The following XYLB variants were observed in gnomAD, a reference collection of about 807,000 sequenced individuals.
The protein encoded by XYLB is xylulokinase.
Under a neutral mutation model 78.7 loss-of-function variants are expected in XYLB, and 62 were observed. The ratio of observed to expected loss-of-function variants is 0.79; its 90% CI spans 0.64 to 0.97. The LOEUF (loss-of-function observed/expected upper bound fraction) is 0.97, where lower values mean the gene tolerates loss of function less well. Among genes scored for constraint, XYLB ranks in the 50% least tolerant of loss-of-function variants. The probability of loss-of-function intolerance (pLI) is 0.00; values close to 1 mark genes in which losing one functional copy is unlikely to be tolerated. For missense variants in XYLB, 687 were observed against 676.8 expected, an observed-to-expected ratio of 1.02 and a Z score of -0.17; for synonymous variants, 245 against 247.4, an observed-to-expected ratio of 0.99 and a Z score of 0.09.
intron 7 of XYLB, 94 bp downstream of exon 7, chr3:38,366,967 C>T (rs1470109033): frequency 2.0e-5 from 17 of 842,462 alleles, no homozygotes; most frequent in Non-Finnish European, 1.6e-5. Context: ...TGACTGAAAA[C>T]ATTGATAAGC....
At chr3:38,361,557 G>C (rs1330115420) in intron 3 of XYLB, among the ~76,000 whole-genome samples, 2 of 152,246 alleles carry the variant, frequency 1.3e-5, no homozygotes, top group African/African-American at 4.8e-5. Context: ...CCAAGGGGCA[G>C]AGTGGGAGGG....
chr3:38,422,123 G>C (rs1708998237), downstream of XYLB, among the ~76,000 whole-genome samples: 1 of 152,222 alleles, frequency 6.6e-6, no homozygotes, highest in South Asian at 2.1e-4. Context: ...TAATGGGACT[G>C]TTAAAGAATG....
intron 9 of XYLB, chr3:38,372,406 A>G: frequency 2.0e-6 from 2 of 985,296 alleles, no homozygotes; most frequent in Non-Finnish European, 2.4e-6. Context: ...TCTCAAGATC[A>G]GCAGTTTTTG....
chr3:38,358,818 A>G (rs769216588), intron 2 of XYLB, among the ~76,000 whole-genome samples: 1 of 152,224 alleles, frequency 6.6e-6, no homozygotes, highest in South Asian at 2.1e-4. Flanking sequence ...TATTGAGTAT[A>G]ATTTATGTAC....
chr3:38,371,697 G>C (rs907059374), intron 9 of XYLB, among the ~76,000 whole-genome samples: 1 of 152,144 alleles, frequency 6.6e-6, no homozygotes, highest in African/African-American at 2.4e-5. Context: ...CGTTTTTCTT[G>C]TATGATTCAC....
At chr3:38,395,887 C>G (rs1707851481) in intron 16 of XYLB, among the ~76,000 whole-genome samples, 1 of 152,216 alleles carries the variant, frequency 6.6e-6, no homozygotes, top group African/African-American at 2.4e-5. Flanking sequence ...TCCTCAAGGC[C>G]TCTGCCTTCC....
chr3:38,375,314 C>A, intron 12 of XYLB, 55 bp downstream of exon 12: 1 of 1,493,966 alleles, frequency 6.7e-7, no homozygotes, highest in Non-Finnish European at 9.3e-7. Flanking sequence ...GTGGGCAGGT[C>A]TGGCACCATC....
chr3:38,408,107 A>C (rs1708408226), intron 18 of XYLB, among the ~76,000 whole-genome samples: 1 of 151,476 alleles, frequency 6.6e-6, no homozygotes, highest in East Asian at 1.9e-4. Context: ...CACCACACCT[A>C]TTCCAAAATT....
At chr3:38,415,212 C>CA (rs2125685956), downstream of XYLB, among the ~76,000 whole-genome samples, 1 of 152,322 alleles carries the variant, frequency 6.6e-6, no homozygotes, top group Admixed American at 6.5e-5. Context: ...TCAAGAAACT[C>CA]AAAGTATGAA....
chr3:38,418,880 A>G (rs1708886869), downstream of XYLB, among the ~76,000 whole-genome samples: 1 of 152,184 alleles, frequency 6.6e-6, no homozygotes, highest in South Asian at 2.1e-4. Flanking sequence ...TGTTTTTGCT[A>G]GCATTTAGGA....
the XYLB span, among the ~76,000 whole-genome samples, chr3:38,447,836 T>G: frequency 3.3e-5 from 5 of 152,168 alleles, no homozygotes; most frequent in South Asian, 1.0e-3. Flanking sequence ...AGAGAAGATA[T>G]AGAATCAACC....
At chr3:38,361,774 TG>T (rs1171231793) in intron 3 of XYLB, among the ~76,000 whole-genome samples, 2 of 152,198 alleles carry the variant, frequency 1.3e-5, no homozygotes, top group African/African-American at 4.8e-5. Context: ...TGCACCCCAC[TG>T]CCTGCCCAAG....
downstream of XYLB, among the ~76,000 whole-genome samples, chr3:38,417,823 C>G (rs190907265): frequency 1.4e-5 from 2 of 142,472 alleles, no homozygotes; most frequent in Non-Finnish European, 3.0e-5. Context: ...GAGGTTGCAG[C>G]GAGCTGAGAT....
intron 18 of XYLB, among the ~76,000 whole-genome samples, chr3:38,405,371 T>TAAAAAAAA (rs1192762406): frequency 1.1e-5 from 1 of 94,662 alleles, no homozygotes; most frequent in Non-Finnish European, 2.1e-5. Flanking sequence ...CTCATCTCTT[T>TAAAAAAAA]AAAAAAAAAA....
downstream of XYLB, among the ~76,000 whole-genome samples, chr3:38,421,920 G>A (rs1055972174): frequency 5.9e-5 from 9 of 152,168 alleles, no homozygotes; most frequent in Admixed American, 3.3e-4. Flanking sequence ...TCGAGCAACC[G>A]CTGTCAGTTC....
intron 18 of XYLB, among the ~76,000 whole-genome samples, chr3:38,401,679 C>A (rs1708127916): frequency 6.6e-6 from 1 of 152,148 alleles, no homozygotes; most frequent in Non-Finnish European, 1.5e-5. Flanking sequence ...ATGTGGGCCA[C>A]CCCAGGATGG....
chr3:38,397,529 A>C (rs1401342793), intron 17 of XYLB, among the ~76,000 whole-genome samples: 3 of 152,122 alleles, frequency 2.0e-5, no homozygotes, highest in African/African-American at 7.2e-5. Flanking sequence ...GCAAGAACAG[A>C]AGTTGAAACA....
chr3:38,365,770 T>C (rs780157030), intron 6 of XYLB, 34 bp downstream of exon 6: 81 of 1,590,606 alleles, frequency 5.1e-5, no homozygotes, highest in Non-Finnish European at 6.6e-5. Context: ...CAGGGGGTGG[T>C]CTGGTTGCAA....
the XYLB span, among the ~76,000 whole-genome samples, chr3:38,444,176 A>G: frequency 1.3e-5 from 2 of 152,128 alleles, no homozygotes; most frequent in African/African-American, 2.4e-5. Context: ...ACATCTATAT[A>G]CCTATCAAGA....
Sources: allele counts gnomAD v4.1 joint callset (sites outside exome capture counted in the v4.1 genomes callset), GRCh38; gene constraint gnomAD v4.1.1; transcripts MANE v1.5; gene names NCBI Gene and HGNC (gene_info 2026-07-23, HGNC 2026-07-21).